Variants in CCDC148 observed in about 807,000 individuals in gnomAD.
CCDC148 encodes the protein coiled-coil domain containing 148.
In CCDC148, 89 loss-of-function variants were observed where a neutral mutation model predicts 85.7. That is an observed-to-expected ratio of 1.04 (90% CI 0.87 to 1.24). The LOEUF is 1.24. Ranked by LOEUF, CCDC148 falls within the 50% of genes most tolerant of loss-of-function variation. CCDC148 has a pLI of 0.00. For missense variants in CCDC148, 692 were observed against 671.7 expected, an observed-to-expected ratio of 1.03 and a Z score of -0.33; for synonymous variants, 230 against 213.9, an observed-to-expected ratio of 1.08 and a Z score of -0.66.
intron 11 of CCDC148, among the ~76,000 whole-genome samples, chr2:158,199,790 T>C (rs1314544122): frequency 6.6e-6 from 1 of 152,218 alleles, no homozygotes; most frequent in African/African-American, 2.4e-5. Flanking sequence ...AGCAAATGTT[T>C]CTTTTTCTTT....
intron 1 of CCDC148, among the ~76,000 whole-genome samples, chr2:158,397,999 T>G (rs1685604459): frequency 6.6e-6 from 1 of 152,030 alleles, no homozygotes; most frequent in Non-Finnish European, 1.5e-5. Context: ...AAAACAGATT[T>G]TAAACCAACA....
intron 11 of CCDC148, among the ~76,000 whole-genome samples, chr2:158,210,986 GA>G (rs1301365113): frequency 6.8e-6 from 1 of 146,740 alleles, no homozygotes; most frequent in East Asian, 2.0e-4. Flanking sequence ...AAGAAACAAT[GA>G]GAACACATGG....
At chr2:158,234,991 A>G (rs1559006099) in intron 10 of CCDC148, among the ~76,000 whole-genome samples, 1 of 152,116 alleles carries the variant, frequency 6.6e-6, no homozygotes, top group Non-Finnish European at 1.5e-5. Context: ...TGGAGGGTGG[A>G]GGAAAGAAAG....
At chr2:158,335,271 C>T (rs1374048883) in intron 7 of CCDC148, among the ~76,000 whole-genome samples, 1 of 152,186 alleles carries the variant, frequency 6.6e-6, no homozygotes, top group Non-Finnish European at 1.5e-5. Context: ...AAGCACCTAA[C>T]AAAAGTCCTG....
At chr2:158,259,310 G>C (rs1689127092) in intron 9 of CCDC148, among the ~76,000 whole-genome samples, 1 of 151,776 alleles carries the variant, frequency 6.6e-6, no homozygotes, top group Non-Finnish European at 1.5e-5. Context: ...GTAATTACTT[G>C]ACTGGTGCCT....
At chr2:158,224,247 G>C (rs1354401326) in intron 10 of CCDC148, among the ~76,000 whole-genome samples, 5 of 152,308 alleles carry the variant, frequency 3.3e-5, no homozygotes, top group Admixed American at 6.5e-5. Context: ...AATGAAGCGA[G>C]AAGAGAAGTT....
intron 1 of CCDC148, among the ~76,000 whole-genome samples, chr2:158,406,629 T>TGTTTTTGTTTTTG (rs780106866): frequency 5.1e-5 from 6 of 117,512 alleles, no homozygotes; most frequent in African/African-American, 1.9e-4. Flanking sequence ...TTTTTTTTTT[T>TGTTTTTGTTTTTG]TTTTTTTTTT....
At chr2:158,296,044 T>C (rs1183316749) in intron 9 of CCDC148, among the ~76,000 whole-genome samples, 1 of 152,246 alleles carries the variant, frequency 6.6e-6, no homozygotes, top group African/African-American at 2.4e-5. Context: ...CCTGTCTTTT[T>C]ATTATCTTAG....
intron 9 of CCDC148, among the ~76,000 whole-genome samples, chr2:158,259,184 A>G (rs1450915024): frequency 6.6e-6 from 1 of 151,738 alleles, no homozygotes; most frequent in Non-Finnish European, 1.5e-5. Flanking sequence ...AATTTCTGTC[A>G]GGGAAGCCTT....
chr2:158,327,372 C>CTACA (rs2105227237), intron 7 of CCDC148, among the ~76,000 whole-genome samples: 1 of 152,268 alleles, frequency 6.6e-6, no homozygotes, highest in East Asian at 1.9e-4. Context: ...TAGTTTATGA[C>CTACA]TACATATTAT....
At position 158,220,661 on chromosome 2, in the gene CCDC148, C is replaced by A. The variant is rs1687129619; in HGVS notation, c.1304G>T (p.Arg435Ile). 1 of 1,596,924 alleles carries A rather than the reference C, an allele frequency of 6.3e-7. No individual in the cohort carries two copies. The highest frequency in any genetic ancestry group is 2.3e-5 in the East Asian group (1 of 44,386). ...CAGTTCTTCTAGACGCTGAAGATCT[C>A]TCATTTCCATTTCTTGCCACTTCTG... Reference protein sequence around the residue: ...KKQKWQEMEMRDLQRLEELKK... With the variant: ...KKQKWQEMEMIDLQRLEELKK... The change falls in exon 11 of 14, where the codon AGA becomes ATA. Residue 435 changes from arginine (R) to isoleucine (I), a missense_variant. Transcript: ENST00000283233.
At chr2:158,384,360 C>T (rs1474298075) in intron 1 of CCDC148, among the ~76,000 whole-genome samples, 1 of 152,120 alleles carries the variant, frequency 6.6e-6, no homozygotes, top group Non-Finnish European at 1.5e-5. Context: ...CTACCCAAAT[C>T]TCATGTCAAA....
chr2:158,287,343 C>T (rs934911735), intron 9 of CCDC148, among the ~76,000 whole-genome samples: 5 of 152,128 alleles, frequency 3.3e-5, no homozygotes, highest in Admixed American at 1.3e-4. Flanking sequence ...AAAGTCTCAG[C>T]TCATTTCAGC....
rs147080946 is a variant in CCDC148, at chr2:158,313,774, G to T, written c.885C>A (p.His295Gln). The T allele has an allele frequency of 8.4e-5, 136 of 1,613,710 alleles. 1 individual carries two copies. In the African/African-American group the frequency reaches 1.5e-3, roughly 18 times the overall value. Residue 295 changes from histidine to glutamine, a missense_variant, in exon 8 of 14, where the codon CAC becomes CAA. By Grantham distance (24) the His-to-Gln change is conservative (BLOSUM62 0). Coordinates refer to ENST00000283233, the MANE Select transcript of CCDC148 (RefSeq NM_138803.4). ...TACTCACCAAATCATGCCTAGATTT[G>T]TGAGGAAAATATCTTTGTAACATGT... ...YLDMLQRYFPHKSRHDLVEHE... is the reference protein window; with the variant it reads ...YLDMLQRYFPQKSRHDLVEHE...
At position 158,425,275 on chromosome 2, in the gene CCDC148, G is replaced by A. The variant is rs556126691; in HGVS notation, c.25+31140C>T. ...TATGGCAAGGCATCTCCAGGGGGTC[G>A]CAATCACCAAAACAATCACCAGCCA... On this transcript the variant is annotated intron_variant, in intron 1 of 13. Transcript: ENST00000283233. 277 of 535,466 alleles carry A rather than the reference G, an allele frequency of 5.2e-4. 1 individual carries two copies. Among genetic ancestry groups the A allele is most frequent in the African/African-American group, 4.5e-3 (236 of 52,318 alleles). The allele number at this position is 535,466 out of a possible 1,614,324, so 33.2% of individuals were successfully genotyped here. A position where few individuals can be genotyped will look rare whatever the true frequency, so the allele number is the denominator to read the frequency against.
At chr2:158,204,027 T>C (rs903867954) in intron 11 of CCDC148, among the ~76,000 whole-genome samples, 6 of 152,222 alleles carry the variant, frequency 3.9e-5, no homozygotes, top group Admixed American at 3.3e-4. Flanking sequence ...CATTCAACTA[T>C]AACAAATCAG....
At chr2:158,194,017 A>T (rs1685547554) in intron 11 of CCDC148, among the ~76,000 whole-genome samples, 2 of 142,640 alleles carry the variant, frequency 1.4e-5, no homozygotes, top group Admixed American at 7.2e-5. Context: ...AAAGTATAAT[A>T]AAAAAAAAAA....
chr2:158,434,252 G>A (rs963690774), intron 1 of CCDC148, among the ~76,000 whole-genome samples: 2 of 152,124 alleles, frequency 1.3e-5, no homozygotes, highest in Non-Finnish European at 2.9e-5. Context: ...ATACAGCCAG[G>A]TGCCCCTCTG....
At chr2:158,210,061 A>G (rs1686476836) in intron 11 of CCDC148, among the ~76,000 whole-genome samples, 1 of 152,222 alleles carries the variant, frequency 6.6e-6, no homozygotes, top group African/African-American at 2.4e-5. Flanking sequence ...TCTATTCAAG[A>G]GACCCATCTC....
Sources: allele counts gnomAD v4.1 joint callset (sites outside exome capture counted in the v4.1 genomes callset), GRCh38; gene constraint gnomAD v4.1.1; transcripts MANE v1.5; gene names NCBI Gene and HGNC (gene_info 2026-07-23, HGNC 2026-07-21).